The following ADH7 variants were observed in gnomAD, a reference collection of about 807,000 sequenced individuals.
ADH7 encodes all-trans-retinol dehydrogenase [NAD(+)] ADH7.
ADH7 carries 41 observed loss-of-function variants against 34.4 expected under a neutral mutation model. The observed-to-expected ratio is 1.19, with a 90% CI of 0.93 to 1.55. The LOEUF (loss-of-function observed/expected upper bound fraction) is 1.55, where lower values mean the gene tolerates loss of function less well. Among genes scored for constraint, ADH7 ranks in the 40% most tolerant of loss-of-function variants. The pLI, the probability that ADH7 is intolerant of heterozygous loss-of-function variation, is 0.00. For synonymous variants in ADH7, 180 were observed against 160.9 expected (o/e 1.12, Z -0.90); for missense variants, 540 against 461.2 (o/e 1.17, Z -1.56).
chr4:99,428,214 A>G, intron 3 of ADH7, 40 bp from the exon 4 acceptor site: 1 of 1,537,442 alleles, frequency 6.5e-7, no homozygotes, highest in Non-Finnish European at 9.0e-7. Flanking sequence ...CTGTTCATTA[A>G]TGTTAAAATA....
intron 7 of ADH7, among the ~76,000 whole-genome samples, chr4:99,418,337 T>C (rs1174163017): frequency 2.0e-5 from 3 of 152,136 alleles, no homozygotes; most frequent in Non-Finnish European, 2.9e-5. Flanking sequence ...TATTCTCTTA[T>C]ATTGTATAAA....
intron 5 of ADH7, among the ~76,000 whole-genome samples, chr4:99,427,432 A>G (rs1201036618): frequency 6.6e-6 from 1 of 152,172 alleles, no homozygotes; most frequent in African/African-American, 2.4e-5. Flanking sequence ...ACTAGGAGTA[A>G]AAGCTCTGAC....
intron 5 of ADH7, among the ~76,000 whole-genome samples, chr4:99,425,973 G>A (rs1579577760): frequency 6.6e-6 from 1 of 152,080 alleles, no homozygotes; most frequent in South Asian, 2.1e-4. Context: ...GGTACATAAC[G>A]AAATGAAGGC....
At position 99,429,644 on chromosome 4, in the gene ADH7, G is replaced by A. The variant is rs72904920; in HGVS notation, c.19-11C>T. 9,129 of 1,593,876 alleles carry A rather than the reference G, an allele frequency of 5.7e-3. 407 individuals are homozygous for A. The African/African-American group carries it at 0.099, about 17-fold the overall frequency. On this transcript the variant is annotated splice_polypyrimidine_tract_variant and intron_variant, in intron 1 of 8. Transcript: ENST00000437033. ...TTTGCATTTAATAACCTAAGAAATAGGCAAGTATTATAATGGGTCTGAATT... is the reference window on the plus strand; with the variant it reads ...TTTGCATTTAATAACCTAAGAAATAAGCAAGTATTATAATGGGTCTGAATT...
intron 7 of ADH7, 150 bp downstream of exon 7, chr4:99,418,836 T>G: frequency 1.1e-6 from 1 of 919,628 alleles, no homozygotes; most frequent in Non-Finnish European, 1.6e-6. Flanking sequence ...GAGTGGAGAA[T>G]TATCTTTTGT....
chr4:99,423,274 TCATTGTTGGA>T (rs1163517468), intron 5 of ADH7, among the ~76,000 whole-genome samples: 1 of 149,550 alleles, frequency 6.7e-6, no homozygotes, highest in African/African-American at 2.4e-5. Context: ...ATCCAGTCTA[TCATTGTTGGA>T]CATTTGGATT....
rs754757686 is a variant in ADH7 at position 99,415,475 on chromosome 4, T to C, written c.1100+3A>G. 1.2e-6 allele frequency: 2 copies of C among 1,609,492 alleles called. No homozygotes were observed. The highest frequency in any genetic ancestry group is 1.1e-5 in the South Asian group (1 of 89,732). ...AGACAAGATCATCATAAGAAACAGT[T>C]ACCTTTGTCCTGAATTGAGCAGCTC... is the stretch of plus-strand genomic sequence containing the variant. On this transcript the variant is annotated splice_donor_region_variant and intron_variant, in intron 8 of 8. Transcript: ENST00000437033.
At chr4:99,415,363 CTGGCTAGATT>C in intron 8 of ADH7, 105 bp downstream of exon 8, 1 of 1,116,746 alleles carries the variant, frequency 9.0e-7, no homozygotes, top group Non-Finnish European at 1.3e-6. Flanking sequence ...CTGTATCAAT[CTGGCTAGATT>C]AAATAATTAG....
rs1220143747 is a variant in ADH7, at chr4:99,415,345, G to T, written c.1100+133C>A. The T allele has an allele frequency of 3.2e-6, 3 of 951,186 alleles. No individual in the cohort carries two copies. The Admixed American group carries it at 6.3e-5, about 20-fold the overall frequency. 58.9% of individuals were successfully genotyped at this position (951,186 alleles called of 1,614,324 possible). The stretch of plus-strand genomic sequence containing the variant: ...ACACTAATGCAGTGGGTAAAGAGAA[G>T]TAATTAGCTGTATCAATCTGGCTAG... On this transcript the variant is annotated intron_variant, in intron 8 of 8. Transcript: ENST00000437033.
chr4:99,426,688 G>A (rs1721813188), intron 5 of ADH7, among the ~76,000 whole-genome samples: 1 of 152,088 alleles, frequency 6.6e-6, no homozygotes, highest in South Asian at 2.1e-4. Context: ...GAAAAAGAGG[G>A]AATCCTCCCT....
chr4:99,432,970 TGC>T, intron 1 of ADH7, among the ~76,000 whole-genome samples: 1 of 152,274 alleles, frequency 6.6e-6, no homozygotes, highest in Middle Eastern at 3.4e-3. Context: ...CAAGCCACCA[TGC>T]TCTGAAAATG....
intron 8 of ADH7, 40 bp downstream of exon 8, chr4:99,415,438 C>A (rs1721494049): frequency 1.9e-6 from 3 of 1,589,238 alleles, no homozygotes; most frequent in Admixed American, 1.8e-5. Flanking sequence ...TTAAAAGTAG[C>A]CTGTGGAGAA....
chr4:99,428,603 C>T lies in ADH7; in HGVS notation c.148G>A (p.Asp50Asn), dbSNP rs144056529. 2.5e-6 allele frequency: 4 copies of T among 1,613,712 alleles called. No homozygotes were observed. The highest frequency in any genetic ancestry group is 2.5e-6 in the Non-Finnish European group (3 of 1,179,820). The stretch of plus-strand genomic sequence containing the variant: ...ATTGTTCCTTTTATCACATGGTCAT[C>T]TGTGCGACAGATTCCTGTGGCCAAA... ...KILATGICRT[D>N]DHVIKGTMVS... The change falls in exon 3 of 9, where the codon GAT (aspartate) becomes AAT (asparagine). Residue 50 changes from aspartate to asparagine, a missense_variant. Asp to Asn is a conservative substitution (Grantham distance 23). Transcript: ENST00000437033.
At chr4:99,415,800 G>C (rs1478329501) in intron 7 of ADH7, 184 bp from the exon 8 acceptor site, 1 of 522,898 alleles carries the variant, frequency 1.9e-6, no homozygotes, top group Non-Finnish European at 3.2e-6. Flanking sequence ...CCATAAAAAA[G>C]AATGAGTTCA....
chr4:99,413,851 G>C (rs1721460510), intron 8 of ADH7, among the ~76,000 whole-genome samples: 2 of 152,158 alleles, frequency 1.3e-5, no homozygotes, highest in South Asian at 4.1e-4. Context: ...GCTTAGAATT[G>C]GTTTGTATGT....
chr4:99,429,898 A>G (rs1221395390), intron 1 of ADH7, among the ~76,000 whole-genome samples: 2 of 152,172 alleles, frequency 1.3e-5, no homozygotes, highest in Non-Finnish European at 2.9e-5. Context: ...GACCTGAGGT[A>G]CTTTTCCCAA....
intron 1 of ADH7, among the ~76,000 whole-genome samples, chr4:99,433,313 T>C (rs920436560): frequency 2.0e-5 from 3 of 152,140 alleles, no homozygotes; most frequent in African/African-American, 7.2e-5. Flanking sequence ...TTGTTATAAA[T>C]TGAAAAATGT....
intron 5 of ADH7, among the ~76,000 whole-genome samples, chr4:99,424,599 C>T (rs1721753859): frequency 6.6e-6 from 1 of 152,148 alleles, no homozygotes; most frequent in Non-Finnish European, 1.5e-5. Flanking sequence ...CTTCACATCC[C>T]TTGTAAGTTG....
intron 7 of ADH7, among the ~76,000 whole-genome samples, chr4:99,417,624 C>T (rs577387715): frequency 6.6e-6 from 1 of 152,200 alleles, no homozygotes; most frequent in East Asian, 1.9e-4. Context: ...TCTCTCTATA[C>T]CAAAGTGAGA....
Sources: gnomAD v4.1 joint callset for allele counts (sites outside exome capture counted in the v4.1 genomes callset) on GRCh38, gnomAD v4.1.1 for gene constraint, MANE v1.5 for transcripts, NCBI Gene and HGNC (gene_info 2026-07-23, HGNC 2026-07-21) for gene names.